Variants in TPX2 observed in about 807,000 individuals in gnomAD.
The protein encoded by TPX2 is TPX2 microtubule nucleation factor, also known as targeting protein for Xklp2.
Under a neutral mutation model 93.6 loss-of-function variants are expected in TPX2, and 21 were observed. The observed-to-expected ratio is 0.22, with a 90% CI of 0.16 to 0.32. The LOEUF is 0.32. Among genes scored for constraint, TPX2 ranks in the 10% least tolerant of loss-of-function variants. The pLI, the probability that TPX2 is intolerant of heterozygous loss-of-function variation, is 1.00. For synonymous variants in TPX2, 281 were observed against 298.3 expected, an observed-to-expected ratio of 0.94 and a Z score of 0.60; for missense variants, 776 against 871.1, an observed-to-expected ratio of 0.89 and a Z score of 1.37.
At chr20:31,747,407 T>C (rs1286736361) in intron 2 of TPX2, among the ~76,000 whole-genome samples, 2 of 152,188 alleles carry the variant, frequency 1.3e-5, no homozygotes, top group African/African-American at 2.4e-5. Flanking sequence ...CATAAGTCAC[T>C]GTGCCCGGCC....
intron 7 of TPX2, among the ~76,000 whole-genome samples, chr20:31,774,250 T>A (rs1278387761): frequency 6.6e-6 from 1 of 152,204 alleles, no homozygotes; most frequent in Non-Finnish European, 1.5e-5. Context: ...ATCTTTTTCC[T>A]CTTGTCTGAG....
rs185796721 is a variant in TPX2, at chr20:31,769,585, A to G, written c.357-758A>G. On this transcript the variant is annotated intron_variant, in intron 5 of 17. Transcript: ENST00000300403. ...GTGATCCGCCTGCCTCGGCCTCCCAAAGTGCTGGGATTACAGGCGTGAGCC... is the reference window on the plus strand; with the variant it reads ...GTGATCCGCCTGCCTCGGCCTCCCAGAGTGCTGGGATTACAGGCGTGAGCC... 7.2e-5 allele frequency among the ~76,000 whole-genome samples: 11 copies of G among 152,096 alleles called. 1 individual carries two copies. The highest frequency in any genetic ancestry group is 2.6e-4 in the African/African-American group (11 of 41,510).
At chr20:31,794,067 G>T in intron 14 of TPX2, 43 bp downstream of exon 14, 1 of 1,552,512 alleles carries the variant, frequency 6.4e-7, no homozygotes, top group Non-Finnish European at 8.7e-7. Flanking sequence ...ACTATTCTTT[G>T]ATCCCTCAAA....
chr20:31,797,651 C>G (rs937833432), intron 16 of TPX2, 136 bp downstream of exon 16: 1 of 759,746 alleles, frequency 1.3e-6, no homozygotes, highest in African/African-American at 1.8e-5. Flanking sequence ...CTTTTCTTCC[C>G]CTAGACCCAG....
In TPX2 at chr20:31,794,560, G is replaced by T; in HGVS notation, c.1833+12G>T. 6.2e-7 allele frequency: 1 copy of T among 1,612,314 alleles called. No individual in the cohort carries two copies. Among genetic ancestry groups the T allele is most frequent in the Non-Finnish European group, 8.5e-7 (1 of 1,179,438 alleles). Reference sequence around the variant, plus strand: ...CTTGGAAGCACCAGGTAGGGGATGGGGAGAGCAGCCAAAATGTTAATTGCT... The same window carrying T: ...CTTGGAAGCACCAGGTAGGGGATGGTGAGAGCAGCCAAAATGTTAATTGCT... On this transcript the variant is annotated intron_variant, in intron 15 of 17. Transcript: ENST00000300403.
chr20:31,763,389 AG>A (rs1600367682), intron 4 of TPX2, among the ~76,000 whole-genome samples: 1 of 152,142 alleles, frequency 6.6e-6, no homozygotes, highest in African/African-American at 2.4e-5. Flanking sequence ...CATTTTGGCC[AG>A]GCTGGTCTCG....
intron 2 of TPX2, among the ~76,000 whole-genome samples, chr20:31,755,261 T>C (rs2061844764): frequency 6.6e-6 from 1 of 151,952 alleles, no homozygotes; most frequent in South Asian, 2.1e-4. Flanking sequence ...TTTTTGTATT[T>C]TTAGTAGAGA....
intron 11 of TPX2, among the ~76,000 whole-genome samples, chr20:31,782,889 TACACACACACACACACACACACAC>T (rs71926112): frequency 7.0e-6 from 1 of 142,758 alleles, no homozygotes; most frequent in South Asian, 2.3e-4. Flanking sequence ...CATACACACA[TACACACACACACACACACACACAC>T]ACACACACAC....
chr20:31,747,921 C>T (rs2061794321), intron 2 of TPX2, among the ~76,000 whole-genome samples: 1 of 151,972 alleles, frequency 6.6e-6, no homozygotes. Context: ...CCACTAGGCC[C>T]TGTGGACTTT....
intron 16 of TPX2, among the ~76,000 whole-genome samples, chr20:31,798,153 C>T (rs2123101900): frequency 6.6e-6 from 1 of 152,284 alleles, no homozygotes; most frequent in Admixed American, 6.5e-5. Flanking sequence ...GCCTTTTTCC[C>T]AATTACACCA....
At chr20:31,774,963 C>CTGT (rs781036106) in intron 7 of TPX2, among the ~76,000 whole-genome samples, 1 of 152,014 alleles carries the variant, frequency 6.6e-6, no homozygotes, top group African/African-American at 2.4e-5. Context: ...GTTGTTGTTG[C>CTGT]TGTTGTTGTT....
At chr20:31,786,391 T>C (rs1016006972) in intron 12 of TPX2, among the ~76,000 whole-genome samples, 2 of 148,470 alleles carry the variant, frequency 1.3e-5, no homozygotes, top group African/African-American at 5.0e-5. Flanking sequence ...CAGTCACACC[T>C]GAACTACTGT....
chr20:31,780,870 G>T, intron 10 of TPX2: 1 of 344,698 alleles, frequency 2.9e-6, no homozygotes, highest in South Asian at 2.3e-5. Flanking sequence ...CATAAAATTG[G>T]GAGTTTTCAC....
chr20:31,766,712 TATG>T, intron 5 of TPX2, 30 bp downstream of exon 5: 3 of 1,602,794 alleles, frequency 1.9e-6, no homozygotes, highest in Non-Finnish European at 2.6e-6. Context: ...AAGTGGTGGT[TATG>T]ATAATAATGT....
At chr20:31,743,636 G>A (rs988912461) in intron 2 of TPX2, among the ~76,000 whole-genome samples, 7 of 152,010 alleles carry the variant, frequency 4.6e-5, no homozygotes, top group Non-Finnish European at 8.8e-5. Flanking sequence ...TTGAGGTTAC[G>A]GTGAGCTGAG....
intron 12 of TPX2, among the ~76,000 whole-genome samples, chr20:31,789,512 G>T (rs893360917): frequency 6.6e-6 from 1 of 151,896 alleles, no homozygotes; most frequent in South Asian, 2.1e-4. Context: ...CAGTTACTAC[G>T]GGGTCTTCTA....
intron 17 of TPX2, among the ~76,000 whole-genome samples, chr20:31,799,568 C>T (rs959151332): frequency 6.6e-5 from 10 of 151,984 alleles, no homozygotes; most frequent in South Asian, 2.1e-4. Context: ...AAAACATCAG[C>T]GGTACACAAT....
At chr20:31,777,927 C>G (rs1600381518) in intron 9 of TPX2, among the ~76,000 whole-genome samples, 1 of 152,074 alleles carries the variant, frequency 6.6e-6, no homozygotes, top group East Asian at 1.9e-4. Flanking sequence ...CAGGCGCCTG[C>G]CACCACTCCC....
intron 11 of TPX2, 78 bp downstream of exon 11, chr20:31,782,468 T>C: frequency 6.6e-7 from 1 of 1,513,696 alleles, no homozygotes; most frequent in East Asian, 2.3e-5. Context: ...AGGGTGACAG[T>C]TGCTATTTTT....
Sources: allele counts gnomAD v4.1 joint callset (sites outside exome capture counted in the v4.1 genomes callset), GRCh38; gene constraint gnomAD v4.1.1; transcripts MANE v1.5; gene names NCBI Gene and HGNC (gene_info 2026-07-23, HGNC 2026-07-21).